The following RBM20 variants were observed in gnomAD, a reference collection of about 807,000 sequenced individuals.
RBM20 encodes the protein RNA-binding protein 20.
Under a neutral mutation model 110.1 loss-of-function variants are expected in RBM20, and 51 were observed. That is an observed-to-expected ratio of 0.46 (90% CI 0.37 to 0.59). The LOEUF is 0.59. Among genes scored for constraint, RBM20 ranks in the 20% least tolerant of loss-of-function variants. The pLI, the probability that RBM20 is intolerant of heterozygous loss-of-function variation, is 0.00. For synonymous variants in RBM20, 589 were observed against 618.2 expected, an observed-to-expected ratio of 0.95 and a Z score of 0.70; for missense variants, 1,512 against 1,574.9, an observed-to-expected ratio of 0.96 and a Z score of 0.68.
chr10:110,737,186 A>AAAAAAAAAAAAAAAAAAAAAAAAAC (rs1564830182), intron 1 of RBM20, among the ~76,000 whole-genome samples: 1 of 140,136 alleles, frequency 7.1e-6, no homozygotes, highest in Non-Finnish European at 1.5e-5. Flanking sequence ...TCAAAAAAAA[A>AAAAAAAAAAAAAAAAAAAAAAAAAC]AAAAAAAAAA....
intron 1 of RBM20, among the ~76,000 whole-genome samples, chr10:110,706,339 G>C (rs776805457): frequency 6.6e-5 from 10 of 152,140 alleles, no homozygotes; most frequent in Admixed American, 5.9e-4. Context: ...GCATACAATA[G>C]GTTCTTAAGA....
At chr10:110,682,346 T>C (rs1400607174) in intron 1 of RBM20, among the ~76,000 whole-genome samples, 2 of 152,206 alleles carry the variant, frequency 1.3e-5, no homozygotes, top group African/African-American at 4.8e-5. Context: ...TGGTCACTTA[T>C]TTTGTAGAAC....
chr10:110,659,771 T>G (rs1412348947), intron 1 of RBM20, among the ~76,000 whole-genome samples: 1 of 151,440 alleles, frequency 6.6e-6, no homozygotes, highest in African/African-American at 2.4e-5. Flanking sequence ...TTCCTCTTCT[T>G]CCTCTTCCTC....
Position 110,812,935 on chromosome 10 carries a change from G to A in RBM20, c.2538G>A (p.Met846Ile). The A allele has an allele frequency of 6.9e-7, 1 of 1,451,126 alleles. No homozygotes were observed. The highest frequency in any genetic ancestry group is 9.1e-7 in the Non-Finnish European group (1 of 1,100,188). 89.9% of individuals were successfully genotyped at this position (1,451,126 alleles called of 1,614,324 possible). The part of the protein sequence containing the change: ...EGADDRKENT[M>I]AENEAGKEEQ... ...CTGATGATAGAAAAGAAAACACAAT[G>A]GCAGAGAATGAGGTAATGATCAATT... The change falls in exon 9 of 14, where the codon ATG becomes ATA. Residue 846 changes from methionine to isoleucine, a missense_variant. Physicochemically the swap from Met to Ile is conservative, Grantham distance 10. Transcript: ENST00000369519.
chr10:110,806,853 T>A (rs933691099), intron 7 of RBM20, among the ~76,000 whole-genome samples: 2 of 152,334 alleles, frequency 1.3e-5, no homozygotes, highest in East Asian at 1.9e-4. Flanking sequence ...GCCTTCTTTA[T>A]GCCTTTACCC....
At position 110,780,905 on chromosome 10, in the gene RBM20, C is replaced by T; in HGVS notation, c.296C>T (p.Thr99Ile). 3.2e-6 allele frequency: 5 copies of T among 1,551,704 alleles called. No homozygotes were observed. Among genetic ancestry groups the T allele is most frequent in the Non-Finnish European group, 4.4e-6 (5 of 1,146,970 alleles). ...CTGGCTCAACTGCAGGCCCAGCTCACCCTCCACCGGCTGAAGCTGGCACAG... is the reference window on the plus strand; with the variant it reads ...CTGGCTCAACTGCAGGCCCAGCTCATCCTCCACCGGCTGAAGCTGGCACAG... ...LQLAQLQAQL[T>I]LHRLKLAQTA... is the part of the protein sequence containing the mutation. Residue 99 changes from threonine to isoleucine, a missense_variant, in exon 2 of 14, where the codon ACC (threonine) becomes ATC (isoleucine). Coordinates refer to ENST00000369519, the MANE Select transcript of RBM20 (RefSeq NM_001134363.3).
chr10:110,790,634 A>T (rs1844472170), intron 5 of RBM20, among the ~76,000 whole-genome samples: 1 of 152,230 alleles, frequency 6.6e-6, no homozygotes, highest in African/African-American at 2.4e-5. Context: ...CACAAACCAG[A>T]TAACGTCATA....
At chr10:110,789,769 T>A (rs567976359) in intron 5 of RBM20, among the ~76,000 whole-genome samples, 1 of 152,350 alleles carries the variant, frequency 6.6e-6, no homozygotes, top group South Asian at 2.1e-4. Flanking sequence ...CATCCCACTC[T>A]AGGGTCCCCA....
intron 1 of RBM20, among the ~76,000 whole-genome samples, chr10:110,688,543 A>G (rs906405221): frequency 3.9e-5 from 6 of 152,210 alleles, no homozygotes; most frequent in East Asian, 1.9e-4. Context: ...TATGATTTTT[A>G]TCTGAAAAGT....
At chr10:110,694,680 G>C (rs1470428265) in intron 1 of RBM20, among the ~76,000 whole-genome samples, 3 of 150,486 alleles carry the variant, frequency 2.0e-5, no homozygotes, top group Admixed American at 6.6e-5. Flanking sequence ...TGATGGTTTG[G>C]GTTAAGATAG....
chr10:110,791,292 G>A (rs997072177), intron 5 of RBM20, among the ~76,000 whole-genome samples: 1 of 152,206 alleles, frequency 6.6e-6, no homozygotes, highest in African/African-American at 2.4e-5. Flanking sequence ...GAGGCCCACA[G>A]ACTCTGTGCC....
intron 9 of RBM20, among the ~76,000 whole-genome samples, chr10:110,817,246 G>T (rs933004204): frequency 1.3e-5 from 2 of 152,186 alleles, no homozygotes; most frequent in South Asian, 4.1e-4. Flanking sequence ...CCATTCTACA[G>T]CTGCCATGCA....
At chr10:110,669,994 G>A (rs548193201) in intron 1 of RBM20, among the ~76,000 whole-genome samples, 1 of 152,154 alleles carries the variant, frequency 6.6e-6, no homozygotes, top group African/African-American at 2.4e-5. Flanking sequence ...TTCCAGAAAT[G>A]TTTGCTTTGG....
At chr10:110,774,087 T>C (rs1253396067) in intron 1 of RBM20, among the ~76,000 whole-genome samples, 1 of 152,222 alleles carries the variant, frequency 6.6e-6, no homozygotes. Context: ...AAGTCCCTTA[T>C]TCACTGGATG....
chr10:110,754,988 C>A (rs909784220), intron 1 of RBM20, among the ~76,000 whole-genome samples: 1 of 152,152 alleles, frequency 6.6e-6, no homozygotes, highest in Non-Finnish European at 1.5e-5. Flanking sequence ...CCTCTGGTTG[C>A]CTTTTGGAGT....
chr10:110,668,883 C>T (rs1459942590), intron 1 of RBM20, among the ~76,000 whole-genome samples: 1 of 145,208 alleles, frequency 6.9e-6, no homozygotes, highest in African/African-American at 2.6e-5. Flanking sequence ...TTTAGTATAA[C>T]AATTAAAAAA....
intron 1 of RBM20, among the ~76,000 whole-genome samples, chr10:110,732,642 C>T (rs1202541196): frequency 1.3e-5 from 2 of 152,218 alleles, no homozygotes; most frequent in Non-Finnish European, 2.9e-5. Context: ...GTCACCGCCA[C>T]ATAAATTCTG....
intron 1 of RBM20, among the ~76,000 whole-genome samples, chr10:110,706,080 C>CAA (rs11312949): frequency 2.2e-4 from 31 of 141,448 alleles, no homozygotes; most frequent in African/African-American, 4.2e-4. Flanking sequence ...GACTCCATCT[C>CAA]AAAAAAAAAA....
intron 1 of RBM20, among the ~76,000 whole-genome samples, chr10:110,671,780 A>G (rs1862263954): frequency 6.6e-6 from 1 of 152,126 alleles, no homozygotes; most frequent in South Asian, 2.1e-4. Context: ...TATTAACCGT[A>G]TTTACAAGAA....
Sources: allele counts gnomAD v4.1 joint callset (sites outside exome capture counted in the v4.1 genomes callset), GRCh38; gene constraint gnomAD v4.1.1; transcripts MANE v1.5; gene names NCBI Gene and HGNC (gene_info 2026-07-23, HGNC 2026-07-21).